The following SLC1A2 variants were observed in gnomAD, a reference collection of about 807,000 sequenced individuals.
SLC1A2 encodes solute carrier family 1 member 2.
Under a neutral mutation model 48.8 loss-of-function variants are expected in SLC1A2, and 15 were observed. That is an observed-to-expected ratio of 0.31 (90% CI 0.21 to 0.47). SLC1A2 has a LOEUF of 0.47. SLC1A2 is among the 20% of genes least tolerant of loss of function. The probability of loss-of-function intolerance (pLI) is 0.99; values close to 1 mark genes in which losing one functional copy is unlikely to be tolerated. For synonymous variants in SLC1A2, 279 were observed against 272.6 expected, an observed-to-expected ratio of 1.02 and a Z score of -0.23; for missense variants, 502 against 730.5, an observed-to-expected ratio of 0.69 and a Z score of 3.61.
intron 7 of SLC1A2, 129 bp from the exon 8 acceptor site, chr11:35,287,080 A>G (rs1176380034): frequency 1.4e-6 from 1 of 720,838 alleles, no homozygotes; most frequent in East Asian, 2.6e-5. Flanking sequence ...GTGACATGCA[A>G]AAAAGCAGTA....
chr11:35,279,620 A>G (rs778609409), intron 9 of SLC1A2, among the ~76,000 whole-genome samples: 11 of 152,196 alleles, frequency 7.2e-5, no homozygotes, highest in Non-Finnish European at 1.5e-4. Context: ...GATTCAGCTC[A>G]GCTACCACTG....
chr11:35,411,964 T>C lies in SLC1A2; in HGVS notation c.17+6986A>G, dbSNP rs964421371. ...TTAAGATTCTTTAAGAATTTAAGAT[T>C]CTTACATTATTTTTTCTTCAGAGAC... On this transcript the variant is annotated intron_variant, in intron 1 of 10. Transcript: ENST00000278379. 2.0e-5 allele frequency among the ~76,000 whole-genome samples: 3 copies of C among 151,904 alleles called. No homozygotes were observed. In the East Asian group the frequency reaches 5.8e-4, roughly 29 times the overall value.
At position 35,301,532 on chromosome 11, in the gene SLC1A2, T is replaced by C. The variant is rs750302174; in HGVS notation, c.844A>G (p.Ile282Val). Residue 282 changes from isoleucine to valine, a missense_variant, in exon 6 of 11, where the codon ATC becomes GTC. Physicochemically the swap from Ile to Val is conservative, Grantham distance 29. Coordinates refer to ENST00000278379, the MANE Select transcript of SLC1A2 (RefSeq NM_004171.4). ...AAGGCCACTTACCACATGATCATGA[T>C]CACTAACTTCATTACAATCTCATTC... ...ILNEIVMKLV[I>V]MIMWYSPLGI... 2.5e-6 allele frequency: 4 copies of C among 1,613,600 alleles called. No individual in the cohort carries two copies. Among genetic ancestry groups the C allele is most frequent in the Admixed American group, 3.3e-5 (2 of 59,986 alleles).
chr11:35,375,868 G>C (rs1445416574), intron 1 of SLC1A2, among the ~76,000 whole-genome samples: 4 of 152,096 alleles, frequency 2.6e-5, no homozygotes, highest in Non-Finnish European at 5.9e-5. Context: ...CCTAAGAATT[G>C]ATTCTATTAT....
chr11:35,296,812 C>T (rs1281967835), intron 6 of SLC1A2, among the ~76,000 whole-genome samples: 1 of 152,090 alleles, frequency 6.6e-6, no homozygotes, highest in Non-Finnish European at 1.5e-5. Context: ...TCACTTCTAC[C>T]CCCATCACTA....
At position 35,254,125 on chromosome 11, in the gene SLC1A2, T is replaced by C. The variant is rs2134557985; in HGVS notation, c.*6769A>G. 1 of 152,770 alleles carries C rather than the reference T, an allele frequency of 6.5e-6. No homozygotes were observed. The highest frequency in any genetic ancestry group is 2.1e-4 in the South Asian group (1 of 4,828). 9.5% of individuals were successfully genotyped at this position (152,770 alleles called of 1,614,324 possible). On this transcript the variant is annotated 3_prime_UTR_variant, in exon 11 of 11. Coordinates refer to ENST00000278379, the MANE Select transcript of SLC1A2 (RefSeq NM_004171.4). ...TCTTACCAGGAAGCCAAAATATATC[T>C]GCTGGCAACAAGATCAAGTTAGATT...
At position 35,252,466 on chromosome 11, in the gene SLC1A2, C is replaced by T. The variant is rs1950251680; in HGVS notation, c.*8428G>A. On this transcript the variant is annotated 3_prime_UTR_variant, in exon 11 of 11. Coordinates refer to ENST00000278379, the MANE Select transcript of SLC1A2 (RefSeq NM_004171.4). ...ATCAAAAGTTCCACAGTTGCATTCA[C>T]CATGTATTAAACAGACATGAGATGA... The T allele has an allele frequency of 6.6e-6, 1 of 152,168 alleles. No homozygotes were observed. Among genetic ancestry groups the T allele is most frequent in the African/African-American group, 2.4e-5 (1 of 41,438 alleles). 9.4% of individuals were successfully genotyped at this position (152,168 alleles called of 1,614,324 possible). A position where few individuals can be genotyped will look rare whatever the true frequency, so the allele number is the denominator to read the frequency against.
Position 35,260,759 on chromosome 11 carries a change from A to G in SLC1A2, c.*135T>C. ...ATCACTGACTCACAAGAGCTCCTCT[A>G]AGCCTCGGCTAACAGATTAAGTAAA... On this transcript the variant is annotated 3_prime_UTR_variant, in exon 11 of 11. Transcript: ENST00000278379. The G allele has an allele frequency of 1.4e-6, 1 of 690,716 alleles. No homozygotes were observed. The highest frequency in any genetic ancestry group is 2.5e-6 in the Non-Finnish European group (1 of 392,428). 42.8% of individuals were successfully genotyped at this position (690,716 alleles called of 1,614,324 possible). A position where few individuals can be genotyped will look rare whatever the true frequency, so the allele number is the denominator to read the frequency against.
intron 7 of SLC1A2, among the ~76,000 whole-genome samples, chr11:35,290,727 T>C (rs72922897): frequency 0.033 from 4,855 of 148,642 alleles, 137 homozygotes; most frequent in African/African-American, 0.073. Flanking sequence ...TTTTTTTTTT[T>C]TCTCTTTTTC....
chr11:35,412,448 T>C (rs187021484), intron 1 of SLC1A2, among the ~76,000 whole-genome samples: 30 of 152,338 alleles, frequency 2.0e-4, no homozygotes, highest in Admixed American at 1.2e-3. Flanking sequence ...TCCCTAAGGA[T>C]TGAAGGGCTT....
chr11:35,312,496 T>G, intron 3 of SLC1A2, 48 bp from the exon 4 acceptor site: 1 of 1,597,704 alleles, frequency 6.3e-7, no homozygotes, highest in Non-Finnish European at 8.6e-7. Flanking sequence ...ACGTTTGTGC[T>G]AATGACCTGT....
intron 9 of SLC1A2, among the ~76,000 whole-genome samples, chr11:35,273,385 G>T (rs934588955): frequency 6.6e-6 from 1 of 152,222 alleles, no homozygotes; most frequent in Admixed American, 6.5e-5. Context: ...CCCAGCTCAA[G>T]CATTAAAGAT....
chr11:35,373,399 C>A (rs118186746), intron 1 of SLC1A2, among the ~76,000 whole-genome samples: 1,935 of 152,294 alleles, frequency 0.013, 14 homozygotes, highest in Non-Finnish European at 0.019. Flanking sequence ...CAGTCATGAT[C>A]TTCTGCCCCT....
chr11:35,323,428 A>G (rs1027276076), intron 1 of SLC1A2: 1 of 152,348 alleles, frequency 6.6e-6, no homozygotes, highest in African/African-American at 2.4e-5. Context: ...CTAATGTAAG[A>G]TATCAATAAG....
At chr11:35,411,262 G>GA (rs1270828571) in intron 1 of SLC1A2, among the ~76,000 whole-genome samples, 9 of 152,174 alleles carry the variant, frequency 5.9e-5, no homozygotes, top group African/African-American at 1.9e-4. Context: ...CATATAAATA[G>GA]AAAAAATGAT....
intron 1 of SLC1A2, among the ~76,000 whole-genome samples, chr11:35,368,656 G>A (rs544095454): frequency 1.1e-4 from 16 of 152,322 alleles, no homozygotes; most frequent in African/African-American, 3.8e-4. Flanking sequence ...AGTCAGAGAT[G>A]TTTACTGTTG....
intron 2 of SLC1A2, 60 bp from the exon 3 acceptor site, chr11:35,315,235 T>A: frequency 7.8e-7 from 1 of 1,276,276 alleles, no homozygotes; most frequent in African/African-American, 1.5e-5. Flanking sequence ...TGACTTACTC[T>A]AGACACTTAT....
intron 1 of SLC1A2, among the ~76,000 whole-genome samples, chr11:35,400,058 C>G (rs1377125023): frequency 2.0e-5 from 3 of 152,146 alleles, no homozygotes; most frequent in Non-Finnish European, 4.4e-5. Context: ...AAGGGGGACT[C>G]AAAAAGACAA....
At chr11:35,305,708 G>T (rs1238597431) in intron 5 of SLC1A2, among the ~76,000 whole-genome samples, 4 of 152,154 alleles carry the variant, frequency 2.6e-5, no homozygotes, top group Non-Finnish European at 4.4e-5. Flanking sequence ...AGTACATGGG[G>T]GCAGCTTTTA....
Sources: allele counts gnomAD v4.1 joint callset (sites outside exome capture counted in the v4.1 genomes callset), GRCh38; gene constraint gnomAD v4.1.1; transcripts MANE v1.5; gene names NCBI Gene and HGNC (gene_info 2026-07-23, HGNC 2026-07-21).